DAPK2: variants seen among roughly 807,000 people sequenced by gnomAD.
DAPK2 encodes death associated protein kinase 2.
In DAPK2, 35 loss-of-function variants were observed where a neutral mutation model predicts 44.1. That is an observed-to-expected ratio of 0.79 (90% CI 0.61 to 1.05). The LOEUF is 1.05. DAPK2 is among the 50% of genes least tolerant of loss of function. The pLI is 0.00. For synonymous variants in DAPK2, 174 were observed against 182.6 expected (o/e 0.95, Z 0.38); for missense variants, 453 against 483.2 (o/e 0.94, Z 0.59).
Position 63,939,395 on chromosome 15 carries a change from A to T in DAPK2, c.454-34T>A. On this transcript the variant is annotated intron_variant, in intron 3 of 10. Coordinates refer to ENST00000261891, the Ensembl canonical transcript of DAPK2. The surrounding 1 kb of genome is among the most constrained non-coding windows in gnomAD (Gnocchi z 4.3). ...CAAAAAGTAGAAAAAAAAAAAAGGA[A>T]GGAAGAAAAGAAAAAAAAAGACGGT... is the stretch of plus-strand genomic sequence containing the variant. The T allele has an allele frequency of 6.4e-7, 1 of 1,559,730 alleles. No individual in the cohort carries two copies. Among genetic ancestry groups the T allele is most frequent in the Non-Finnish European group, 8.6e-7 (1 of 1,159,580 alleles).
In DAPK2 at chr15:63,939,367, C is replaced by G; in HGVS notation, c.454-6G>C. ...AACAACATAATGTTTTCTGGCTGGA[C>G]AACAAAAAGTAGAAAAAAAAAAAAG... is the stretch of plus-strand genomic sequence containing the variant. On this transcript the variant is annotated splice_region_variant and splice_polypyrimidine_tract_variant and intron_variant, in intron 3 of 10. Coordinates refer to ENST00000261891, the Ensembl canonical transcript of DAPK2. This position sits in a 1 kb window ranked among gnomAD's most constrained non-coding sequence, Gnocchi z 4.3. 1 of 1,315,578 alleles carries G rather than the reference C, an allele frequency of 7.6e-7. No homozygotes were observed. The highest frequency in any genetic ancestry group is 2.0e-5 in the South Asian group (1 of 50,306). 81.5% of individuals were successfully genotyped at this position (1,315,578 alleles called of 1,614,324 possible).
chr15:63,981,704 C>T (rs12902972), intron 2 of DAPK2, among the ~76,000 whole-genome samples: 69,770 of 151,092 alleles, frequency 0.46, 17,029 homozygotes, highest in East Asian at 0.96. Flanking sequence ...GTGGCTCGGC[C>T]TTTCCAGAAA....
At chr15:63,991,037 G>T (rs2078802390) in intron 1 of DAPK2, among the ~76,000 whole-genome samples, 1 of 152,062 alleles carries the variant, frequency 6.6e-6, no homozygotes, top group South Asian at 2.1e-4. Flanking sequence ...CTTCCAGCCA[G>T]GCCACTCCAA....
intron 1 of DAPK2, among the ~76,000 whole-genome samples, chr15:64,002,792 C>A (rs1163470430): frequency 6.6e-6 from 1 of 152,220 alleles, no homozygotes; most frequent in Non-Finnish European, 1.5e-5. Context: ...AATAAACTCA[C>A]TGATATCTCA....
intron 1 of DAPK2, among the ~76,000 whole-genome samples, 190 bp from the exon 3 acceptor site, chr15:63,983,944 G>C (rs8038345): frequency 0.19 from 29,563 of 152,112 alleles, 2,924 homozygotes; most frequent in South Asian, 0.25. Context: ...CTTCCCTTCT[G>C]TCCATTCCTT....
intron 1 of DAPK2, among the ~76,000 whole-genome samples, chr15:64,031,236 C>CTT (rs780761441): frequency 9.9e-5 from 14 of 141,866 alleles, no homozygotes; most frequent in South Asian, 4.6e-4. Flanking sequence ...GGCAGATTTT[C>CTT]TTTTTTTTTT....
intron 1 of DAPK2, among the ~76,000 whole-genome samples, chr15:64,028,452 C>T (rs1479124315): frequency 2.0e-5 from 3 of 152,182 alleles, no homozygotes; most frequent in Non-Finnish European, 4.4e-5. Flanking sequence ...ACTGGAGAGA[C>T]ATAACCACAA....
chr15:63,955,152 G>A (rs1819283380), intron 3 of DAPK2, among the ~76,000 whole-genome samples: 1 of 152,032 alleles, frequency 6.6e-6, no homozygotes. Context: ...TCTTTCTCTT[G>A]TCTGATTGCT....
At chr15:63,979,252 T>C (rs2078437634) in intron 2 of DAPK2, among the ~76,000 whole-genome samples, 1 of 152,152 alleles carries the variant, frequency 6.6e-6, no homozygotes, top group African/African-American at 2.4e-5. Context: ...AGAAGTCAAC[T>C]TATATGGACA....
rs529402634 is a variant in DAPK2 at position 63,952,421 on chromosome 15, T to G, written c.454-13060A>C. Among the ~76,000 whole-genome samples, 6 of 152,174 alleles carry G rather than the reference T, an allele frequency of 3.9e-5. No homozygotes were observed. The East Asian group carries it at 1.2e-3, about 29-fold the overall frequency. ...AGAAAAAAGGAAGAGCAGCAGCATC[T>G]GGGATGAGAATAGCACAAACAGAGG... is the stretch of plus-strand genomic sequence containing the variant. On this transcript the variant is annotated intron_variant, in intron 3 of 10. Transcript: ENST00000261891.
At chr15:64,016,278 A>C (rs572646946) in intron 1 of DAPK2, among the ~76,000 whole-genome samples, 4 of 152,314 alleles carry the variant, frequency 2.6e-5, no homozygotes, top group African/African-American at 7.2e-5. Context: ...GAGTTTCCCA[A>C]AGTAACTGGC....
chr15:63,933,300 A>G (rs2077029096), intron 4 of DAPK2, among the ~76,000 whole-genome samples: 1 of 151,732 alleles, frequency 6.6e-6, no homozygotes, highest in Non-Finnish European at 1.5e-5. Flanking sequence ...CTGGAGTGCA[A>G]TGATGTGATC....
In DAPK2 at chr15:63,934,736, T is replaced by G. The variant is rs936636487; in HGVS notation, c.584-4281A>C. On this transcript the variant is annotated intron_variant, in intron 4 of 10. Transcript: ENST00000261891. ...CAATGCCTGGCTAATTTTTTGTATT[T>G]TTAGTAGAGGTGGGGTTTCACCATG... is the stretch of plus-strand genomic sequence containing the variant. 9.2e-5 allele frequency among the ~76,000 whole-genome samples: 14 copies of G among 152,100 alleles called. 1 individual carries two copies. Among genetic ancestry groups the G allele is most frequent in the Non-Finnish European group, 2.9e-5 (2 of 68,018 alleles).
At chr15:63,973,034 C>G (rs2078254925) in intron 2 of DAPK2, among the ~76,000 whole-genome samples, 1 of 152,188 alleles carries the variant, frequency 6.6e-6, no homozygotes, top group Non-Finnish European at 1.5e-5. Context: ...AGAGGGGTGT[C>G]CCTCCCATCA....
At chr15:63,967,814 C>T (rs992951997) in intron 3 of DAPK2, among the ~76,000 whole-genome samples, 1 of 152,166 alleles carries the variant, frequency 6.6e-6, no homozygotes, top group African/African-American at 2.4e-5. Flanking sequence ...TGATTAAATA[C>T]CAGCCTGAAG....
At chr15:63,953,964 T>G (rs987838872) in intron 3 of DAPK2, among the ~76,000 whole-genome samples, 2 of 152,288 alleles carry the variant, frequency 1.3e-5, no homozygotes, top group Admixed American at 6.5e-5. Flanking sequence ...TTTTAACCTT[T>G]CCTGTGATGC....
rs1054990770 is a variant in DAPK2, at chr15:63,990,382, C to T, written c.93-6628G>A. On this transcript the variant is annotated intron_variant, in intron 1 of 10. Coordinates refer to ENST00000261891, the Ensembl canonical transcript of DAPK2. This position sits in a 1 kb window ranked among gnomAD's most constrained non-coding sequence, Gnocchi z 4.3. ...GGTGGAGGTTGCAGTGAGCTGAGAT[C>T]GCACCGCTGCACTCCAGCCTGGGTG... 6.6e-6 allele frequency among the ~76,000 whole-genome samples: 1 copy of T among 151,158 alleles called. No homozygotes were observed. Among genetic ancestry groups the T allele is most frequent in the Admixed American group, 6.6e-5 (1 of 15,186 alleles).
At chr15:63,981,798 C>T (rs749622434) in intron 2 of DAPK2, among the ~76,000 whole-genome samples, 3 of 152,070 alleles carry the variant, frequency 2.0e-5, no homozygotes, top group Admixed American at 1.3e-4. Context: ...GGCAGGCATC[C>T]AGTAGTCCAA....
intron 1 of DAPK2, among the ~76,000 whole-genome samples, chr15:64,032,561 T>A (rs911341436): frequency 6.6e-6 from 1 of 152,162 alleles, no homozygotes; most frequent in Non-Finnish European, 1.5e-5. Flanking sequence ...TGGGGGAATG[T>A]GAACTACATG....
Sources: allele counts gnomAD v4.1 joint callset (sites outside exome capture counted in the v4.1 genomes callset), GRCh38; gene constraint gnomAD v4.1.1; non-coding constraint Gnocchi (gnomAD v3.1); transcripts MANE v1.5; gene names NCBI Gene and HGNC (gene_info 2026-07-23, HGNC 2026-07-21).